Variants in RIN3 observed in about 807,000 individuals in gnomAD.
RIN3 encodes RAB5 interacting protein 3.
A neutral mutation model predicts 76.3 loss-of-function variants in RIN3; 54 were observed. The observed-to-expected ratio is 0.71, with a 90% CI of 0.57 to 0.89. The LOEUF is 0.89. Ranked by LOEUF, RIN3 falls within the 40% of genes least tolerant of loss-of-function variation. RIN3 has a pLI of 0.00. For missense variants in RIN3, 1,256 were observed against 1,322.1 expected (o/e 0.95, Z 0.78); for synonymous variants, 576 against 564.0 (o/e 1.02, Z -0.30).
rs78013291 is a variant in RIN3 at position 92,515,187 on chromosome 14, T to C, written c.44+1211T>C. Reference sequence around the variant, plus strand: ...AGCCCGGAAATTCTGGATGCTGGTTTCTTTCTCTCGAAAGCGACCTCTGCA... The same window carrying C: ...AGCCCGGAAATTCTGGATGCTGGTTCCTTTCTCTCGAAAGCGACCTCTGCA... On this transcript the variant is annotated intron_variant, in intron 1 of 9. Coordinates refer to ENST00000216487, the MANE Select transcript of RIN3 (RefSeq NM_024832.5). The C allele has an allele frequency of 1.8e-3, 1,224 of 688,652 alleles. 14 individuals are homozygous for C. The African/African-American group carries it at 0.019, about 11-fold the overall frequency. 42.7% of individuals were successfully genotyped at this position (688,652 alleles called of 1,614,324 possible).
intron 1 of RIN3, among the ~76,000 whole-genome samples, chr14:92,532,559 A>T (rs1595393100): frequency 6.6e-6 from 1 of 150,834 alleles, no homozygotes; most frequent in East Asian, 1.9e-4. Flanking sequence ...CCATGGTGCA[A>T]CTCCTCCCCT....
At chr14:92,629,883 T>A (rs10137097) in intron 4 of RIN3, among the ~76,000 whole-genome samples, 85,451 of 152,100 alleles carry the variant, frequency 0.56, 24,711 homozygotes, top group Non-Finnish European at 0.64. Flanking sequence ...GAGGCCTCAC[T>A]GTGTGCATCC....
intron 1 of RIN3, among the ~76,000 whole-genome samples, chr14:92,525,675 C>T (rs1031249862): frequency 6.6e-6 from 1 of 152,080 alleles, no homozygotes; most frequent in Non-Finnish European, 1.5e-5. Context: ...AGTGCAGGGT[C>T]GGCCACAGTG....
intron 1 of RIN3, among the ~76,000 whole-genome samples, chr14:92,516,527 A>G (rs2139986756): frequency 6.6e-6 from 1 of 152,232 alleles, no homozygotes; most frequent in South Asian, 2.1e-4. Context: ...ACTGGCACTT[A>G]GCTAGGAGAC....
At chr14:92,558,119 C>G (rs991256499) in intron 2 of RIN3, among the ~76,000 whole-genome samples, 8 of 152,172 alleles carry the variant, frequency 5.3e-5, no homozygotes, top group Non-Finnish European at 1.0e-4. Context: ...GAGGCCACGG[C>G]AGGGGGATTC....
In RIN3 at chr14:92,685,392, G is replaced by T; in HGVS notation, c.2631+242G>T. On this transcript the variant is annotated intron_variant, in intron 9 of 9. Transcript: ENST00000216487. The surrounding 1 kb of genome is among the most constrained non-coding windows in gnomAD (Gnocchi z 4.7). ...CATTGGTGTTCTCCCTGGGCAAGCA[G>T]GAAGGGTGCAGGAGGAATGAGACAC... 1.9e-6 allele frequency: 1 copy of T among 530,952 alleles called. No homozygotes were observed. Among genetic ancestry groups the T allele is most frequent in the Non-Finnish European group, 3.4e-6 (1 of 293,432 alleles). 32.9% of individuals were successfully genotyped at this position (530,952 alleles called of 1,614,324 possible).
intron 3 of RIN3, among the ~76,000 whole-genome samples, chr14:92,597,260 G>T (rs1201104352): frequency 6.6e-6 from 1 of 152,208 alleles, no homozygotes; most frequent in African/African-American, 2.4e-5. Context: ...ATCAGGGCAT[G>T]ATAGGACACG....
intron 3 of RIN3, among the ~76,000 whole-genome samples, chr14:92,612,269 C>T (rs1885769876): frequency 6.6e-6 from 1 of 151,834 alleles, no homozygotes; most frequent in African/African-American, 2.4e-5. Context: ...TAGGAACCCA[C>T]AGGCAAGACA....
chr14:92,565,051 C>A lies in RIN3; in HGVS notation c.249+9096C>A, dbSNP rs114105107. Among the ~76,000 whole-genome samples, 464 of 152,312 alleles carry A rather than the reference C, an allele frequency of 3.0e-3. 1 individual carries two copies. Among genetic ancestry groups the A allele is most frequent in the African/African-American group, 0.011 (440 of 41,576 alleles). On this transcript the variant is annotated intron_variant, in intron 2 of 9. Transcript: ENST00000216487. The stretch of plus-strand genomic sequence containing the variant: ...CCCCTGTGAGTGTCCTGGAGGTGGA[C>A]AAAGGTGGCCCCGGCACTGGCACTT...
intron 8 of RIN3, among the ~76,000 whole-genome samples, chr14:92,684,385 C>A (rs1055800677): frequency 8.2e-3 from 949 of 115,394 alleles, no homozygotes; most frequent in Non-Finnish European, 9.3e-3. Flanking sequence ...CAGACTTAGA[C>A]AAAAAAAAAA....
chr14:92,662,347 C>T (rs1887918508), intron 7 of RIN3, among the ~76,000 whole-genome samples: 1 of 152,242 alleles, frequency 6.6e-6, no homozygotes, highest in Non-Finnish European at 1.5e-5. Context: ...TTGCTGGGAA[C>T]AGCCTCGGGG....
chr14:92,588,618 C>A (rs923634504), intron 3 of RIN3, among the ~76,000 whole-genome samples: 8 of 152,070 alleles, frequency 5.3e-5, no homozygotes, highest in Non-Finnish European at 1.2e-4. Context: ...ATCCTAAAGA[C>A]CCTACCCCTT....
At chr14:92,599,206 C>T (rs1003612828) in intron 3 of RIN3, among the ~76,000 whole-genome samples, 25 of 151,996 alleles carry the variant, frequency 1.6e-4, no homozygotes, top group Admixed American at 8.5e-4. Flanking sequence ...TGTGGGGGCA[C>T]GATCCGATGT....
intron 7 of RIN3, among the ~76,000 whole-genome samples, chr14:92,668,826 C>G (rs1888193325): frequency 6.6e-6 from 1 of 152,208 alleles, no homozygotes; most frequent in Admixed American, 6.5e-5. Context: ...GCTGCCCCAC[C>G]CTGAGTCAAC....
chr14:92,528,003 AT>A (rs957675513), intron 1 of RIN3, among the ~76,000 whole-genome samples: 2 of 135,608 alleles, frequency 1.5e-5, no homozygotes, highest in Non-Finnish European at 3.1e-5. Flanking sequence ...GCAGGCTTGC[AT>A]TTGGGCTGCT....
intron 2 of RIN3, among the ~76,000 whole-genome samples, chr14:92,561,493 ATT>A (rs11325872): frequency 1.9e-4 from 29 of 149,210 alleles, no homozygotes; most frequent in Non-Finnish European, 3.4e-4. Flanking sequence ...ATTCAGGCTG[ATT>A]TTTTTTTTTA....
intron 5 of RIN3, among the ~76,000 whole-genome samples, chr14:92,642,739 G>A (rs557284009): frequency 1.3e-5 from 2 of 152,272 alleles, no homozygotes; most frequent in African/African-American, 4.8e-5. Flanking sequence ...ACTCAGAGGG[G>A]CCCATCAGGG....
At chr14:92,637,452 G>GCTGCTCACCTC (rs1886817357) in intron 4 of RIN3, among the ~76,000 whole-genome samples, 1 of 152,152 alleles carries the variant, frequency 6.6e-6, no homozygotes, top group Admixed American at 6.5e-5. Flanking sequence ...TCACTCGCCC[G>GCTGCTCACCTC]CTGCTCACCT....
intron 3 of RIN3, among the ~76,000 whole-genome samples, chr14:92,578,245 A>G (rs1031278222): frequency 1.3e-5 from 2 of 151,858 alleles, no homozygotes; most frequent in East Asian, 3.9e-4. Flanking sequence ...AAAAAAAAAA[A>G]AAAAGAAAAA....
Sources: gnomAD v4.1 joint callset for allele counts (sites outside exome capture counted in the v4.1 genomes callset) on GRCh38, gnomAD v4.1.1 for gene constraint, Gnocchi (gnomAD v3.1) non-coding constraint, MANE v1.5 for transcripts, NCBI Gene and HGNC (gene_info 2026-07-23, HGNC 2026-07-21) for gene names.